ST8SIA1: variants seen among roughly 807,000 people sequenced by gnomAD.
The protein encoded by ST8SIA1 is alpha-N-acetylneuraminide alpha-2,8-sialyltransferase.
ST8SIA1 carries 16 observed loss-of-function variants against 35.9 expected under a neutral mutation model. The observed-to-expected ratio is 0.45, with a 90% confidence interval of 0.30 to 0.68. The LOEUF (loss-of-function observed/expected upper bound fraction) is 0.68. Among genes scored for constraint, ST8SIA1 ranks in the 30% least tolerant of loss-of-function variants. The probability of loss-of-function intolerance (pLI) is 0.09; values close to 1 mark genes in which losing one functional copy is unlikely to be tolerated. For synonymous variants in ST8SIA1, 170 were observed against 169.6 expected (o/e 1.00, Z -0.02); for missense variants, 383 against 453.6 (o/e 0.84, Z 1.41).
chr12:22,291,273 A>G lies in ST8SIA1; in HGVS notation c.237-3980T>C, dbSNP rs576674780. ...GCCTAGGATCAGAGTGAACCTTGTTATGACGCTTTCAGATGCCATGTTCAA... is the reference window on the plus strand; with the variant it reads ...GCCTAGGATCAGAGTGAACCTTGTTGTGACGCTTTCAGATGCCATGTTCAA... On this transcript the variant is annotated intron_variant, in intron 1 of 4. Coordinates refer to ENST00000396037, the MANE Select transcript of ST8SIA1 (RefSeq NM_003034.4). Among the ~76,000 whole-genome samples the G allele has an allele frequency of 4.4e-4, 67 of 152,334 alleles. 2 individuals carry two copies. The South Asian group carries it at 0.013, about 30-fold the overall frequency.
At chr12:22,249,250 G>C (rs113140554) in intron 3 of ST8SIA1, 152 bp from the exon 4 acceptor site, 1 of 567,020 alleles carries the variant, frequency 1.8e-6, no homozygotes, top group Admixed American at 3.0e-5. Flanking sequence ...ATGGAGTCTC[G>C]CTCTGTTGCC....
chr12:22,287,242 T>C lies in ST8SIA1; in HGVS notation c.288A>G (p.Lys96=), dbSNP rs1475189297. The change falls in exon 2 of 5, where the codon AAA becomes AAG. Residue 96 remains lysine (K), a synonymous_variant. Transcript: ENST00000396037. ...TGCTCTTCCCCATAGGGGAATTCAT[T>C]TTAGTCATAGCAAAGAGATGGGCAG... ...CDPAHLFAMT[K]MNSPMGKSMW... 1 of 1,614,146 alleles carries C rather than the reference T, an allele frequency of 6.2e-7. No homozygotes were observed. The highest frequency in any genetic ancestry group is 8.5e-7 in the Non-Finnish European group (1 of 1,179,980).
At position 22,201,855 on chromosome 12, in the gene ST8SIA1, C is replaced by T. The variant is rs775083812; in HGVS notation, c.768G>A (p.Leu256=). The T allele has an allele frequency of 6.2e-7, 1 of 1,614,096 alleles. No individual in the cohort carries two copies. The highest frequency in any genetic ancestry group is 1.7e-5 in the Admixed American group (1 of 60,004). The change falls in exon 5 of 5, where the codon CTG becomes CTA. Residue 256 remains leucine (L), a synonymous_variant. Coordinates refer to ENST00000396037, the MANE Select transcript of ST8SIA1 (RefSeq NM_003034.4). ...QTVLFANPNF[L]RSIGKFWKSR... ...TTTTCCAGAACTTTCCAATGCTACG[C>T]AGAAAGTTGGGGTTGGCAAACAGCA...
At chr12:22,257,065 G>A (rs180681691) in intron 2 of ST8SIA1, among the ~76,000 whole-genome samples, 1 of 152,294 alleles carries the variant, frequency 6.6e-6, no homozygotes, top group Non-Finnish European at 1.5e-5. Flanking sequence ...GTTCCCAGAG[G>A]TTATATTCTA....
intron 2 of ST8SIA1, among the ~76,000 whole-genome samples, chr12:22,259,659 G>A (rs1865765861): frequency 6.6e-6 from 1 of 151,900 alleles, no homozygotes; most frequent in African/African-American, 2.4e-5. Context: ...GTAGAGATGG[G>A]GTTTCACCAT....
intron 4 of ST8SIA1, among the ~76,000 whole-genome samples, chr12:22,245,086 C>A (rs1372420903): frequency 6.6e-6 from 1 of 152,102 alleles, no homozygotes; most frequent in Non-Finnish European, 1.5e-5. Flanking sequence ...CTCTGCCCAT[C>A]ATTTTTTCTT....
chr12:22,266,500 A>AT lies in ST8SIA1; in HGVS notation c.382-11112_382-11111insA, dbSNP rs1480972448. ...TACCAGAAAACCCCTATTTAAAAAA[A>AT]AAATATATATATATATAGGCCAGGC... On this transcript the variant is annotated intron_variant, in intron 2 of 4. Transcript: ENST00000396037. Among the ~76,000 whole-genome samples the AT allele has an allele frequency of 3.8e-3, 548 of 142,510 alleles. 6 individuals are homozygous for AT. The highest frequency in any genetic ancestry group is 0.014 in the African/African-American group (529 of 38,868). 93.5% of individuals were successfully genotyped at this position (142,510 alleles called of 152,430 possible).
rs1555158391 is a variant in ST8SIA1 at position 22,266,502 on chromosome 12, A to ATAT, written c.382-11114_382-11113insATA. On this transcript the variant is annotated intron_variant, in intron 2 of 4. Coordinates refer to ENST00000396037, the MANE Select transcript of ST8SIA1 (RefSeq NM_003034.4). ...CCAGAAAACCCCTATTTAAAAAAAA[A>ATAT]ATATATATATATATAGGCCAGGCAT... 7.0e-3 allele frequency among the ~76,000 whole-genome samples: 1,048 copies of ATAT among 150,254 alleles called. 7 individuals carry two copies. Among genetic ancestry groups the ATAT allele is most frequent in the East Asian group, 0.046 (235 of 5,138 alleles).
chr12:22,325,928 A>G, intron 1 of ST8SIA1: 1 of 692,818 alleles, frequency 1.4e-6, no homozygotes, highest in Non-Finnish European at 2.6e-6. Context: ...AACAGTGTGG[A>G]GACGCTGAAC....
intron 3 of ST8SIA1, among the ~76,000 whole-genome samples, chr12:22,252,940 G>C (rs992300315): frequency 6.6e-6 from 1 of 152,166 alleles, no homozygotes; most frequent in African/African-American, 2.4e-5. Flanking sequence ...TCACTTCTTT[G>C]AATCTGTGAG....
chr12:22,201,553 T>C lies in ST8SIA1; in HGVS notation c.1070A>G (p.Ter357TrpextTer19). Residue 357 changes from the stop codon to tryptophan (W), a stop_lost, in exon 5 of 5, where the codon TAG becomes TGG. Coordinates refer to ENST00000396037, the MANE Select transcript of ST8SIA1 (RefSeq NM_003034.4). ...CAGTCCTTTCTTCTTCCATTGTTCC[T>C]AGGAAGTGGGCTGGAGTGAGGTATC... is the stretch of plus-strand genomic sequence containing the variant. Reference protein sequence around the residue: ...CEDTSLQPTS* With the variant: ...CEDTSLQPTSW 1 of 1,600,700 alleles carries C rather than the reference T, an allele frequency of 6.2e-7. No homozygotes were observed. The highest frequency in any genetic ancestry group is 1.3e-5 in the African/African-American group (1 of 74,700).
chr12:22,321,061 A>C, intron 1 of ST8SIA1, among the ~76,000 whole-genome samples: 1 of 143,694 alleles, frequency 7.0e-6, no homozygotes, highest in Non-Finnish European at 1.6e-5. Context: ...GAAAAGGAAG[A>C]GTCTGCAGAA....
chr12:22,287,073 C>A (rs1866109146), intron 2 of ST8SIA1, 76 bp downstream of exon 2: 10 of 1,400,776 alleles, frequency 7.1e-6, no homozygotes, highest in Non-Finnish European at 9.7e-6. Flanking sequence ...ATGAGTAAGG[C>A]AAACTCAATT....
chr12:22,215,130 TAG>T (rs1350189226), intron 4 of ST8SIA1, among the ~76,000 whole-genome samples: 2 of 152,158 alleles, frequency 1.3e-5, no homozygotes, highest in Non-Finnish European at 2.9e-5. Context: ...TTCCTCCATA[TAG>T]ACTCTTTTCC....
At chr12:22,228,883 G>A (rs1490872825) in intron 4 of ST8SIA1, among the ~76,000 whole-genome samples, 5 of 151,842 alleles carry the variant, frequency 3.3e-5, no homozygotes, top group South Asian at 2.1e-4. Flanking sequence ...GTGAAACCCC[G>A]TCTCATCTAA....
intron 2 of ST8SIA1, among the ~76,000 whole-genome samples, chr12:22,273,486 C>G (rs911255559): frequency 2.0e-5 from 3 of 152,190 alleles, no homozygotes; most frequent in African/African-American, 7.2e-5. Context: ...TTTCATCATT[C>G]AATGAAACTC....
At chr12:22,211,672 A>G (rs759138433) in intron 4 of ST8SIA1, among the ~76,000 whole-genome samples, 38 of 152,186 alleles carry the variant, frequency 2.5e-4, no homozygotes, top group Admixed American at 7.2e-4. Flanking sequence ...TAGTAATCCT[A>G]TAAATGCAAA....
At chr12:22,262,380 T>C (rs1764602385) in intron 2 of ST8SIA1, among the ~76,000 whole-genome samples, 1 of 152,112 alleles carries the variant, frequency 6.6e-6, no homozygotes, top group Admixed American at 6.5e-5. Context: ...CACCTCTTCC[T>C]CCTCTCCTTG....
intron 4 of ST8SIA1, among the ~76,000 whole-genome samples, chr12:22,237,943 G>T (rs969926122): frequency 2.0e-5 from 3 of 152,044 alleles, no homozygotes; most frequent in African/African-American, 7.2e-5. Flanking sequence ...TTTTGTTGTT[G>T]TTGCTGTTCC....
Sources: allele counts gnomAD v4.1 joint callset (sites outside exome capture counted in the v4.1 genomes callset), GRCh38; gene constraint gnomAD v4.1.1; transcripts MANE v1.5; gene names NCBI Gene and HGNC (gene_info 2026-07-23, HGNC 2026-07-21).